Variants in SYNJ2 observed in about 807,000 individuals in gnomAD.
SYNJ2 encodes the protein synaptojanin 2.
In SYNJ2, 116 loss-of-function variants were observed where a neutral mutation model predicts 141.3. That is an observed-to-expected ratio of 0.82 (90% CI 0.71 to 0.96). The LOEUF (loss-of-function observed/expected upper bound fraction) is 0.96, where lower values mean the gene tolerates loss of function less well. Among genes scored for constraint, SYNJ2 ranks in the 40% least tolerant of loss-of-function variants. SYNJ2 has a pLI of 0.00. For missense variants in SYNJ2, 1,873 were observed against 1,934.8 expected (o/e 0.97, Z 0.60); for synonymous variants, 745 against 777.7 (o/e 0.96, Z 0.70).
At chr6:157,983,710 A>G (rs1191543271) in intron 1 of SYNJ2, among the ~76,000 whole-genome samples, 1 of 152,254 alleles carries the variant, frequency 6.6e-6, no homozygotes, top group African/African-American at 2.4e-5. Flanking sequence ...TGGTGATTAC[A>G]GTATACCAGA....
chr6:157,983,458 C>T (rs567735836), intron 1 of SYNJ2, among the ~76,000 whole-genome samples: 9 of 152,296 alleles, frequency 5.9e-5, no homozygotes, highest in Admixed American at 3.9e-4. Flanking sequence ...CCACATTTAT[C>T]GGAAGCGAAA....
At chr6:158,063,987 CT>C (rs1296766709) in intron 9 of SYNJ2, 115 bp downstream of exon 9, 2 of 1,070,610 alleles carry the variant, frequency 1.9e-6, no homozygotes, top group African/African-American at 1.6e-5. Flanking sequence ...CCAAGACAAC[CT>C]TCTGACTATG....
chr6:158,066,246 A>G (rs1781555897), intron 11 of SYNJ2, among the ~76,000 whole-genome samples, 198 bp from the exon 12 acceptor site: 1 of 151,922 alleles, frequency 6.6e-6, no homozygotes, highest in South Asian at 2.1e-4. Context: ...TCACGCCTTT[A>G]TTGTAGAAAT....
At position 158,089,832 on chromosome 6, in the gene SYNJ2, C is replaced by T. The variant is rs371634654; in HGVS notation, c.3457-7C>T. 1.2e-6 allele frequency: 2 copies of T among 1,609,622 alleles called. No homozygotes were observed. Among genetic ancestry groups the T allele is most frequent in the African/African-American group, 2.7e-5 (2 of 74,802 alleles). On this transcript the variant is annotated splice_region_variant and splice_polypyrimidine_tract_variant and intron_variant, in intron 24 of 26. Transcript: ENST00000355585. ...GATACTCTGCTCTTCCTCATTCTGT[C>T]CTCAAGCCCAAGGCTCGGACTGGAA...
intron 13 of SYNJ2, among the ~76,000 whole-genome samples, chr6:158,069,048 G>A (rs184551145): frequency 6.6e-6 from 1 of 152,338 alleles, no homozygotes; most frequent in African/African-American, 2.4e-5. Context: ...GGGTGCAGGG[G>A]AAGGGCGGGG....
At position 158,059,254 on chromosome 6, in the gene SYNJ2, C is replaced by T; in HGVS notation, c.858-3C>T. On this transcript the variant is annotated splice_polypyrimidine_tract_variant and splice_region_variant and intron_variant, in intron 6 of 26. Transcript: ENST00000355585. ...CATCACGCCCACCCCGCTGCCTTTGCAGGCACATGGTGCTTCTGAAGGAGC... is the reference window on the plus strand; with the variant it reads ...CATCACGCCCACCCCGCTGCCTTTGTAGGCACATGGTGCTTCTGAAGGAGC... 2.6e-6 allele frequency: 4 copies of T among 1,547,606 alleles called. No individual in the cohort carries two copies. The highest frequency in any genetic ancestry group is 3.5e-6 in the Non-Finnish European group (4 of 1,145,910).
chr6:158,080,155 G>A (rs539494894), intron 18 of SYNJ2, among the ~76,000 whole-genome samples: 3 of 152,162 alleles, frequency 2.0e-5, no homozygotes, highest in Admixed American at 6.5e-5. Flanking sequence ...TTATATGAAG[G>A]TATCATAACT....
chr6:158,058,906 C>G (rs1198690604), intron 6 of SYNJ2, among the ~76,000 whole-genome samples: 1 of 152,220 alleles, frequency 6.6e-6, no homozygotes, highest in Non-Finnish European at 1.5e-5. Context: ...GCACTCTAGC[C>G]TGGACAACAG....
chr6:158,002,954 C>G (rs1777916707), intron 1 of SYNJ2, among the ~76,000 whole-genome samples: 1 of 152,210 alleles, frequency 6.6e-6, no homozygotes, highest in Non-Finnish European at 1.5e-5. Flanking sequence ...AGTGGCCAGT[C>G]CTGTGCTCAA....
At chr6:158,006,057 A>G (rs1044336726) in intron 1 of SYNJ2, among the ~76,000 whole-genome samples, 3 of 152,140 alleles carry the variant, frequency 2.0e-5, no homozygotes, top group African/African-American at 7.2e-5. Context: ...TCTCAGCTGC[A>G]TCAATCCTCG....
In SYNJ2 at chr6:158,076,676, G is replaced by A. The variant is rs1429738383; in HGVS notation, c.2343G>A (p.Lys781=). Residue 781 remains lysine, a synonymous_variant, in exon 17 of 27, where the codon AAG becomes AAA. Coordinates refer to ENST00000355585, the MANE Select transcript of SYNJ2 (RefSeq NM_003898.4). Reference sequence around the variant, plus strand: ...CCATTAACTTTGGACCCACCTACAAGTATGACGTTGGCTCAGCCGCCTACG... The same window carrying A: ...CCATTAACTTTGGACCCACCTACAAATATGACGTTGGCTCAGCCGCCTACG... ...EGAINFGPTY[K]YDVGSAAYDT... The A allele has an allele frequency of 6.2e-7, 1 of 1,614,072 alleles. No homozygotes were observed. Among genetic ancestry groups the A allele is most frequent in the Non-Finnish European group, 8.5e-7 (1 of 1,180,028 alleles).
intron 1 of SYNJ2, among the ~76,000 whole-genome samples, chr6:158,008,399 T>C (rs1393430109): frequency 6.6e-6 from 1 of 152,270 alleles, no homozygotes; most frequent in African/African-American, 2.4e-5. Flanking sequence ...AGCTTTGGCA[T>C]GCATTCAAGT....
intron 1 of SYNJ2, among the ~76,000 whole-genome samples, chr6:157,986,799 G>A (rs1479104954): frequency 6.6e-6 from 1 of 152,176 alleles, no homozygotes; most frequent in East Asian, 1.9e-4. Flanking sequence ...CCTGCCATTC[G>A]GCATTGATAG....
At chr6:157,998,960 A>AAAAACC (rs1777734661) in intron 1 of SYNJ2, among the ~76,000 whole-genome samples, 1 of 152,226 alleles carries the variant, frequency 6.6e-6, no homozygotes, top group Non-Finnish European at 1.5e-5. Flanking sequence ...GGAAAACTCC[A>AAAAACC]ATATATCAAA....
At chr6:158,017,861 C>G (rs547760458) in intron 2 of SYNJ2, 14 of 485,284 alleles carry the variant, frequency 2.9e-5, no homozygotes, top group African/African-American at 2.8e-4. Flanking sequence ...GCACCCCCAC[C>G]CTGTGCCAGA....
Position 157,982,066 on chromosome 6 carries a change from G to A in SYNJ2, c.105G>A (p.Glu35=). ...ARGRDDCLLF[E]AGTVATLAPE... The stretch of plus-strand genomic sequence containing the variant: ...GCCGCGACGACTGCCTGCTGTTCGA[G>A]GCCGGCACGGTGGCCACGCTGGGTG... The change falls in exon 1 of 27, where the codon GAG becomes GAA. Residue 35 remains glutamate (E), a synonymous_variant. Coordinates refer to ENST00000355585, the MANE Select transcript of SYNJ2 (RefSeq NM_003898.4). The surrounding 1 kb of genome is among the most constrained non-coding windows in gnomAD (Gnocchi z 4.0). 7.5e-7 allele frequency: 1 copy of A among 1,338,804 alleles called. No homozygotes were observed. The highest frequency in any genetic ancestry group is 1.9e-5 in the South Asian group (1 of 53,898). 82.9% of individuals were successfully genotyped at this position (1,338,804 alleles called of 1,614,324 possible). A position where few individuals can be genotyped will look rare whatever the true frequency, so the allele number is the denominator to read the frequency against.
intron 26 of SYNJ2, 134 bp from the exon 27 acceptor site, chr6:158,095,484 C>T: frequency 8.4e-7 from 1 of 1,196,968 alleles, no homozygotes; most frequent in Non-Finnish European, 1.1e-6. Context: ...GCACCCCACA[C>T]ATTCTCAAAT....
chr6:158,075,956 T>C (rs1482379156), intron 16 of SYNJ2, among the ~76,000 whole-genome samples: 1 of 151,242 alleles, frequency 6.6e-6, no homozygotes, highest in Non-Finnish European at 1.5e-5. Context: ...CTCACGACTG[T>C]AAGGCGGGAG....
intron 6 of SYNJ2, 57 bp from the exon 7 acceptor site, chr6:158,059,200 G>A: frequency 1.4e-6 from 2 of 1,472,916 alleles, no homozygotes; most frequent in Non-Finnish European, 1.8e-6. Flanking sequence ...GCAGAACAGG[G>A]CAGAGTCTGC....
Sources: gnomAD v4.1 joint callset for allele counts (sites outside exome capture counted in the v4.1 genomes callset) on GRCh38, gnomAD v4.1.1 for gene constraint, Gnocchi (gnomAD v3.1) non-coding constraint, MANE v1.5 for transcripts, NCBI Gene and HGNC (gene_info 2026-07-23, HGNC 2026-07-21) for gene names.